STEAP1B: variants seen among roughly 807,000 people sequenced by gnomAD.
STEAP1B encodes the protein STEAP family protein MGC87042.
Under a neutral mutation model 27.9 loss-of-function variants are expected in STEAP1B, and 13 were observed. That is an observed-to-expected ratio of 0.47 (90% CI 0.30 to 0.74). The LOEUF (loss-of-function observed/expected upper bound fraction) is 0.74. Ranked by LOEUF, STEAP1B falls within the 30% of genes least tolerant of loss-of-function variation. The probability of loss-of-function intolerance (pLI) is 0.06; values close to 1 mark genes in which losing one functional copy is unlikely to be tolerated. For missense variants in STEAP1B, 250 were observed against 298.7 expected, an observed-to-expected ratio of 0.84 and a Z score of 1.20; for synonymous variants, 86 against 107.1, an observed-to-expected ratio of 0.80 and a Z score of 1.22.
intron 4 of STEAP1B, among the ~76,000 whole-genome samples, chr7:22,479,039 G>A (rs1786021510): frequency 6.6e-6 from 1 of 152,154 alleles, no homozygotes; most frequent in African/African-American, 2.4e-5. Context: ...GTACCTAGGA[G>A]GCTGCCTGCC....
intron 4 of STEAP1B, among the ~76,000 whole-genome samples, chr7:22,464,103 T>C (rs375074112): frequency 2.0e-5 from 3 of 152,234 alleles, no homozygotes; most frequent in Non-Finnish European, 4.4e-5. Context: ...TGAACTCTTT[T>C]CTCTTTTTAA....
intron 4 of STEAP1B, among the ~76,000 whole-genome samples, chr7:22,463,612 A>G (rs1785717954): frequency 6.6e-6 from 1 of 152,228 alleles, no homozygotes; most frequent in Non-Finnish European, 1.5e-5. Context: ...ACAGAGATAT[A>G]GATCAATGGA....
intron 4 of STEAP1B, among the ~76,000 whole-genome samples, chr7:22,423,484 T>A (rs1220329874): frequency 2.6e-5 from 4 of 152,172 alleles, no homozygotes; most frequent in Non-Finnish European, 5.9e-5. Context: ...CTTAAAAATA[T>A]TGTACTAAGT....
chr7:22,487,369 G>C (rs1786228195), intron 4 of STEAP1B, among the ~76,000 whole-genome samples: 1 of 152,108 alleles, frequency 6.6e-6, no homozygotes, highest in Non-Finnish European at 1.5e-5. Context: ...TCACTGGAGA[G>C]TTTTCTAAAA....
intron 3 of STEAP1B, 105 bp from the exon 4 acceptor site, chr7:22,492,834 A>C (rs1276294694): frequency 8.4e-6 from 12 of 1,422,026 alleles, no homozygotes; most frequent in African/African-American, 1.4e-5. Context: ...AGCCCTGATA[A>C]CAGGTCTCCA....
chr7:22,498,429 T>C (rs911226475), intron 1 of STEAP1B, among the ~76,000 whole-genome samples: 3 of 152,216 alleles, frequency 2.0e-5, no homozygotes, highest in Non-Finnish European at 4.4e-5. Flanking sequence ...AAGTGTCACC[T>C]ACTATAATCA....
intron 4 of STEAP1B, among the ~76,000 whole-genome samples, chr7:22,482,622 C>T (rs768175200): frequency 2.0e-5 from 3 of 152,124 alleles, no homozygotes; most frequent in Non-Finnish European, 4.4e-5. Context: ...GGCCAATCTG[C>T]CCCCCAGGCA....
intron 4 of STEAP1B, chr7:22,492,319 CAAAAAAAAAAAAA>C (rs56679156): frequency 1.0e-3 from 56 of 54,790 alleles, no homozygotes; most frequent in African/African-American, 2.4e-3. Flanking sequence ...ACTTCATCTC[CAAAAAAAAAAAAA>C]AAAAAAAAAA....
rs1400687048 is a variant in STEAP1B, at chr7:22,419,492, C to G, written c.*312G>C. On this transcript the variant is annotated 3_prime_UTR_variant, in exon 5 of 5. Coordinates refer to ENST00000678116, the MANE Select transcript of STEAP1B (RefSeq NM_001382447.1). ...GTTGTCAGAATATTTCCATCCAACA[C>G]TTTATAAACACATTTGATTATCATG... The G allele has an allele frequency of 1.5e-4, 31 of 210,198 alleles. No homozygotes were observed. The highest frequency in any genetic ancestry group is 1.1e-3 in the Admixed American group (19 of 17,016). The allele number at this position is 210,198 out of a possible 1,614,324, so 13.0% of individuals were successfully genotyped here.
intron 4 of STEAP1B, among the ~76,000 whole-genome samples, chr7:22,473,943 G>A (rs988105175): frequency 1.3e-5 from 2 of 152,158 alleles, no homozygotes; most frequent in Non-Finnish European, 2.9e-5. Flanking sequence ...GCTGTATGTT[G>A]AGAATCAACT....
intron 4 of STEAP1B, among the ~76,000 whole-genome samples, chr7:22,485,238 T>G (rs7800444): frequency 6.6e-6 from 1 of 151,982 alleles, no homozygotes; most frequent in South Asian, 2.1e-4. Flanking sequence ...AAGAGCCCAT[T>G]GATGTGGCAA....
Position 22,492,550 on chromosome 7 carries a change from T to A in STEAP1B, c.762+15A>T. 3.2e-6 allele frequency: 5 copies of A among 1,570,822 alleles called. No individual in the cohort carries two copies. Among genetic ancestry groups the A allele is most frequent in the Non-Finnish European group, 4.3e-6 (5 of 1,161,934 alleles). On this transcript the variant is annotated intron_variant, in intron 4 of 4. Transcript: ENST00000678116. Reference sequence around the variant, plus strand: ...AGAAGATTTACCTCTTAGGGTTATTTTATATATTATTTACCTGAATATAGT... The same window carrying A: ...AGAAGATTTACCTCTTAGGGTTATTATATATATTATTTACCTGAATATAGT...
intron 4 of STEAP1B, among the ~76,000 whole-genome samples, chr7:22,454,841 ATATATATGTATATATATATATATAT>A (rs1194015791): frequency 4.0e-5 from 3 of 74,214 alleles, no homozygotes; most frequent in African/African-American, 1.5e-4. Flanking sequence ...ATATATATAT[ATATATATGTATATATATATATATAT>A]TTTTTTTTTT....
chr7:22,456,972 A>ATTTTTTTTTTTTT lies in STEAP1B; in HGVS notation c.762+35580_762+35592dup, dbSNP rs3064738. ...GGCAGCTATATATATATATATATAT[A>ATTTTTTTTTTTTT]TTTTTTTTTTTTTTAAGTATCCTGG... is the stretch of plus-strand genomic sequence containing the variant. On this transcript the variant is annotated intron_variant, in intron 4 of 4. Transcript: ENST00000678116. Among the ~76,000 whole-genome samples the ATTTTTTTTTTTTT allele has an allele frequency of 2.5e-3, 145 of 56,938 alleles. 14 individuals are homozygous for ATTTTTTTTTTTTT. Among genetic ancestry groups the ATTTTTTTTTTTTT allele is most frequent in the African/African-American group, 7.8e-3 (111 of 14,232 alleles). 37.4% of individuals were successfully genotyped at this position (56,938 alleles called of 152,430 possible). A position where few individuals can be genotyped will look rare whatever the true frequency, so the allele number is the denominator to read the frequency against.
At chr7:22,481,355 C>T (rs570079896) in intron 4 of STEAP1B, among the ~76,000 whole-genome samples, 3 of 152,338 alleles carry the variant, frequency 2.0e-5, no homozygotes, top group South Asian at 2.1e-4. Flanking sequence ...CTTTAGCTAA[C>T]CCCTGGGTGC....
intron 4 of STEAP1B, among the ~76,000 whole-genome samples, chr7:22,442,371 C>T (rs1343346707): frequency 6.6e-6 from 1 of 152,280 alleles, no homozygotes; most frequent in Non-Finnish European, 1.5e-5. Context: ...CAGCTAATAA[C>T]AGTGGCCTCC....
intron 4 of STEAP1B, among the ~76,000 whole-genome samples, chr7:22,464,067 G>A (rs1363245686): frequency 6.6e-6 from 1 of 151,802 alleles, no homozygotes; most frequent in Non-Finnish European, 1.5e-5. Flanking sequence ...TCTGACAAAG[G>A]GCTAATATCC....
chr7:22,430,416 T>G (rs941115649), intron 4 of STEAP1B, among the ~76,000 whole-genome samples: 1 of 152,234 alleles, frequency 6.6e-6, no homozygotes, highest in African/African-American at 2.4e-5. Context: ...AAGTGCATCA[T>G]TAATCTTACG....
intron 4 of STEAP1B, among the ~76,000 whole-genome samples, chr7:22,455,114 C>A (rs1162064784): frequency 2.0e-5 from 3 of 152,000 alleles, no homozygotes; most frequent in Non-Finnish European, 4.4e-5. Context: ...CCACCTGCCT[C>A]GGCCTCCCAA....
Sources: allele counts gnomAD v4.1 joint callset (sites outside exome capture counted in the v4.1 genomes callset), GRCh38; gene constraint gnomAD v4.1.1; transcripts MANE v1.5; gene names NCBI Gene and HGNC (gene_info 2026-07-23, HGNC 2026-07-21).